Variants in SLC35D2 observed in about 807,000 individuals in gnomAD.
SLC35D2 encodes the protein solute carrier family 35 member D2, also known as nucleotide sugar transporter SLC35D2.
A neutral mutation model predicts 41.8 loss-of-function variants in SLC35D2; 43 were observed. The ratio of observed to expected loss-of-function variants is 1.03; its 90% CI spans 0.81 to 1.33. SLC35D2 has a LOEUF of 1.33. Among genes scored for constraint, SLC35D2 ranks in the 40% most tolerant of loss-of-function variants. The pLI is 0.00. For synonymous variants in SLC35D2, 150 were observed against 163.9 expected, an observed-to-expected ratio of 0.92 and a Z score of 0.65; for missense variants, 380 against 408.4, an observed-to-expected ratio of 0.93 and a Z score of 0.60.
intron 1 of SLC35D2, among the ~76,000 whole-genome samples, chr9:96,371,307 A>C (rs1280985539): frequency 1.3e-5 from 2 of 151,712 alleles, no homozygotes; most frequent in Admixed American, 6.6e-5. Context: ...TCTACTAAAA[A>C]ATACAAAAAT....
chr9:96,373,685 C>G (rs1244062991), intron 1 of SLC35D2, among the ~76,000 whole-genome samples: 3 of 114,170 alleles, frequency 2.6e-5, no homozygotes. Context: ...AAGACTCTCT[C>G]AAAAAAAAAA....
Position 96,352,087 on chromosome 9 carries a change from T to C in SLC35D2, c.370A>G (p.Arg124Gly). 1 of 1,612,546 alleles carries C rather than the reference T, an allele frequency of 6.2e-7. No individual in the cohort carries two copies. Among genetic ancestry groups the C allele is most frequent in the Non-Finnish European group, 8.5e-7 (1 of 1,179,168 alleles). The stretch of plus-strand genomic sequence containing the variant: ...AAGGTAAGTGGAATGGTGAATTTCC[T>C]GAGCACGGTGAACATCGGTAGGCTG... ...KLSLPMFTVLRKFTIPLTLLL... is the reference protein window; with the variant it reads ...KLSLPMFTVLGKFTIPLTLLL... The change falls in exon 5 of 12, where the codon AGG (arginine) becomes GGG (glycine). Residue 124 changes from arginine (R) to glycine (G), a missense_variant. Transcript: ENST00000253270.
At chr9:96,342,305 T>A (rs908207384) in intron 8 of SLC35D2, among the ~76,000 whole-genome samples, 2 of 152,116 alleles carry the variant, frequency 1.3e-5, no homozygotes, top group African/African-American at 4.8e-5. Context: ...CTACTAAAAA[T>A]ACTCTCTACA....
chr9:96,356,651 G>C (rs558799054), intron 4 of SLC35D2, among the ~76,000 whole-genome samples: 1 of 151,402 alleles, frequency 6.6e-6, no homozygotes, highest in African/African-American at 2.4e-5. Context: ...GGTGGATCCC[G>C]TGGGCCCAGG....
Position 96,358,080 on chromosome 9 carries a change from T to TTATATATA in SLC35D2, c.347+2066_347+2073dup, listed in dbSNP as rs34633441. The stretch of plus-strand genomic sequence containing the variant: ...ATGGATAAACAAAATATTATATATT[T>TTATATATA]TATATATATATATATATATATATAT... On this transcript the variant is annotated intron_variant, in intron 4 of 11. Transcript: ENST00000253270. Among the ~76,000 whole-genome samples, 924 of 122,618 alleles carry TTATATATA rather than the reference T, an allele frequency of 7.5e-3. 28 individuals carry two copies. Among genetic ancestry groups the TTATATATA allele is most frequent in the African/African-American group, 0.016 (405 of 25,578 alleles). The allele number at this position is 122,618 out of a possible 152,430, so 80.4% of individuals were successfully genotyped here. A position where few individuals can be genotyped will look rare whatever the true frequency, so the allele number is the denominator to read the frequency against.
At chr9:96,352,402 A>G (rs1041857266) in intron 4 of SLC35D2, among the ~76,000 whole-genome samples, 1 of 151,922 alleles carries the variant, frequency 6.6e-6, no homozygotes, top group Non-Finnish European at 1.5e-5. Context: ...GCTCACTGTA[A>G]CCTCTGCCTC....
At chr9:96,318,260 G>A (rs1828106259), downstream of SLC35D2, among the ~76,000 whole-genome samples, 1 of 152,012 alleles carries the variant, frequency 6.6e-6, no homozygotes, top group Non-Finnish European at 1.5e-5. Flanking sequence ...GGGAGTTCGA[G>A]ATCAGCCTGG....
intron 2 of SLC35D2, among the ~76,000 whole-genome samples, chr9:96,365,233 C>T (rs947068554): frequency 6.6e-6 from 1 of 151,746 alleles, no homozygotes; most frequent in Admixed American, 6.6e-5. Flanking sequence ...ATCTGTGGTC[C>T]CAGCTATTCG....
At chr9:96,365,029 C>G (rs1830420191) in intron 2 of SLC35D2, among the ~76,000 whole-genome samples, 1 of 136,628 alleles carries the variant, frequency 7.3e-6, no homozygotes, top group Admixed American at 8.0e-5. Flanking sequence ...CAGAGTGAGA[C>G]ACCACTGTCT....
intron 1 of SLC35D2, among the ~76,000 whole-genome samples, chr9:96,368,781 T>A (rs1341326214): frequency 6.6e-6 from 1 of 150,492 alleles, no homozygotes; most frequent in Non-Finnish European, 1.5e-5. Context: ...CACACACACA[T>A]TGAGATGGAG....
At chr9:96,383,223 C>T (rs1831283244) in intron 1 of SLC35D2, among the ~76,000 whole-genome samples, 1 of 152,196 alleles carries the variant, frequency 6.6e-6, no homozygotes, top group Non-Finnish European at 1.5e-5. Context: ...CTGAGCTCTA[C>T]CAGCCCACCT....
intron 9 of SLC35D2, among the ~76,000 whole-genome samples, chr9:96,330,240 C>A (rs753485334): frequency 6.6e-6 from 1 of 152,206 alleles, no homozygotes; most frequent in Non-Finnish European, 1.5e-5. Flanking sequence ...TGCCTGCCAA[C>A]CATGAGGGCA....
intron 1 of SLC35D2, among the ~76,000 whole-genome samples, chr9:96,378,515 T>C (rs1412594663): frequency 2.0e-5 from 3 of 152,146 alleles, no homozygotes; most frequent in Non-Finnish European, 4.4e-5. Context: ...CAAATATTTG[T>C]TGAAATGAAT....
chr9:96,379,163 CG>C (rs914403945), intron 1 of SLC35D2, among the ~76,000 whole-genome samples: 16 of 151,094 alleles, frequency 1.1e-4, no homozygotes, highest in African/African-American at 3.9e-4. Flanking sequence ...AAAAATTAGC[CG>C]GGTGTGGTGG....
chr9:96,356,649 C>G (rs1439946265), intron 4 of SLC35D2, among the ~76,000 whole-genome samples: 1 of 150,942 alleles, frequency 6.6e-6, no homozygotes, highest in East Asian at 2.0e-4. Flanking sequence ...CAGGTGGATC[C>G]CGTGGGCCCA....
intron 2 of SLC35D2, among the ~76,000 whole-genome samples, chr9:96,367,775 T>C (rs1008838714): frequency 6.8e-6 from 1 of 147,670 alleles, no homozygotes; most frequent in Admixed American, 6.8e-5. Context: ...AGAACAAAAC[T>C]CCGTCTCAAA....
intron 3 of SLC35D2, among the ~76,000 whole-genome samples, chr9:96,362,889 T>TG (rs1351091792): frequency 6.6e-6 from 1 of 150,442 alleles, no homozygotes; most frequent in Non-Finnish European, 1.5e-5. Context: ...TTTTTTGAGA[T>TG]GGGGTCTCAC....
chr9:96,315,977 T>C (rs1214467847), downstream of SLC35D2, among the ~76,000 whole-genome samples: 1 of 152,238 alleles, frequency 6.6e-6, no homozygotes, highest in Non-Finnish European at 1.5e-5. Flanking sequence ...AGGGTATAAA[T>C]GGTTTTTCTG....
At chr9:96,352,645 G>A (rs969893620) in intron 4 of SLC35D2, among the ~76,000 whole-genome samples, 52 of 151,952 alleles carry the variant, frequency 3.4e-4, no homozygotes, top group Non-Finnish European at 5.4e-4. Flanking sequence ...TTAAGACACC[G>A]TTCTGTCCAT....
Sources: allele counts gnomAD v4.1 joint callset (sites outside exome capture counted in the v4.1 genomes callset), GRCh38; gene constraint gnomAD v4.1.1; transcripts MANE v1.5; gene names NCBI Gene and HGNC (gene_info 2026-07-23, HGNC 2026-07-21).